Variants in PCDH15 observed in about 807,000 individuals in gnomAD.
The protein encoded by PCDH15 is protocadherin-15.
In PCDH15, 129 loss-of-function variants were observed where a neutral mutation model predicts 178.5. That is an observed-to-expected ratio of 0.72 (90% confidence interval 0.63 to 0.84). The LOEUF is 0.84. PCDH15 is among the 40% of genes least tolerant of loss of function. The pLI is 0.00. For missense variants in PCDH15, 2,230 were observed against 2,099.9 expected (o/e 1.06, Z -1.21); for synonymous variants, 800 against 732.0 (o/e 1.09, Z -1.50).
At chr10:54,370,784 C>T (rs2066348) in intron 4 of PCDH15, among the ~76,000 whole-genome samples, 144,837 of 151,878 alleles carry the variant, frequency 0.95, 69,442 homozygotes, top group East Asian at 1. Context: ...CTATAATGCA[C>T]GACACATTTG....
chr10:55,603,178 A>C (rs1843127306), intron 2 of PCDH15, among the ~76,000 whole-genome samples: 1 of 152,116 alleles, frequency 6.6e-6, no homozygotes, highest in African/African-American at 2.4e-5. Flanking sequence ...CGAGAAGGGA[A>C]GTTTAGAGAA....
At chr10:54,910,534 C>T (rs1459147700) in intron 2 of PCDH15, among the ~76,000 whole-genome samples, 2 of 152,106 alleles carry the variant, frequency 1.3e-5, no homozygotes, top group Non-Finnish European at 2.9e-5. Context: ...CTAGGCCTAA[C>T]CCTGAGGATT....
At chr10:54,768,559 T>C (rs973923084) in intron 1 of PCDH15, among the ~76,000 whole-genome samples, 13 of 152,104 alleles carry the variant, frequency 8.5e-5, no homozygotes, top group African/African-American at 3.1e-4. Flanking sequence ...ACTTAAGAAG[T>C]AAGCGAGACT....
chr10:54,354,865 T>C (rs1944720255), intron 5 of PCDH15, among the ~76,000 whole-genome samples: 2 of 151,918 alleles, frequency 1.3e-5, no homozygotes, highest in African/African-American at 4.8e-5. Flanking sequence ...ATGTATTAAA[T>C]GGAAGGAGAT....
At chr10:54,033,184 A>G (rs1375077035) in intron 18 of PCDH15, among the ~76,000 whole-genome samples, 2 of 151,890 alleles carry the variant, frequency 1.3e-5, no homozygotes, top group Admixed American at 1.3e-4. Flanking sequence ...ATATATACCT[A>G]TTTTTGTATA....
chr10:54,989,782 C>T (rs930984530), intron 2 of PCDH15, among the ~76,000 whole-genome samples: 2 of 152,020 alleles, frequency 1.3e-5, no homozygotes, highest in African/African-American at 4.8e-5. Context: ...TGAGGAAATG[C>T]CATTTGGGAG....
chr10:53,803,821 C>T lies in PCDH15; in HGVS notation c.*2758G>A, dbSNP rs1319866150. On this transcript the variant is annotated 3_prime_UTR_variant, in exon 38 of 38. Coordinates refer to ENST00000644397, the MANE Select transcript of PCDH15 (RefSeq NM_001384140.1). ...TCATTCTGTTCTCACCTCGATTAGC[C>T]AAGACCTGCTGTTTCTTCTGCCTGA... 1 of 151,938 alleles carries T rather than the reference C, an allele frequency of 6.6e-6. No homozygotes were observed. Among genetic ancestry groups the T allele is most frequent in the African/African-American group, 2.4e-5 (1 of 41,404 alleles). 9.4% of individuals were successfully genotyped at this position (151,938 alleles called of 1,614,324 possible).
chr10:55,228,114 A>G (rs953922234), intron 1 of PCDH15, among the ~76,000 whole-genome samples: 12 of 152,092 alleles, frequency 7.9e-5, no homozygotes, highest in Non-Finnish European at 1.8e-4. Context: ...AATCTGTTGA[A>G]ATATAGCTTG....
chr10:54,065,894 C>T (rs2094127992), intron 18 of PCDH15, among the ~76,000 whole-genome samples: 1 of 152,136 alleles, frequency 6.6e-6, no homozygotes, highest in Non-Finnish European at 1.5e-5. Context: ...AGATCTTGTG[C>T]CTGGTTATAA....
intron 2 of PCDH15, among the ~76,000 whole-genome samples, chr10:55,123,186 CTG>C (rs10539949): frequency 0.24 from 36,722 of 151,566 alleles, 5,160 homozygotes; most frequent in African/African-American, 0.38. Context: ...GTCTTATATT[CTG>C]TGTTATCTAA....
At chr10:54,691,427 C>G (rs2095118551) in intron 1 of PCDH15, among the ~76,000 whole-genome samples, 1 of 152,002 alleles carries the variant, frequency 6.6e-6, no homozygotes, top group Non-Finnish European at 1.5e-5. Context: ...CTATAAATTT[C>G]CTTCAGTATT....
intron 25 of PCDH15, among the ~76,000 whole-genome samples, chr10:53,921,116 C>T (rs1312678120): frequency 6.6e-6 from 1 of 152,126 alleles, no homozygotes; most frequent in African/African-American, 2.4e-5. Flanking sequence ...ACAGTTCTTG[C>T]AATATGTCAT....
intron 2 of PCDH15, among the ~76,000 whole-genome samples, chr10:55,471,278 T>C (rs1016499168): frequency 6.6e-6 from 1 of 152,236 alleles, no homozygotes; most frequent in African/African-American, 2.4e-5. Context: ...AAAGTTGTGC[T>C]CTTTTAGTTT....
intron 2 of PCDH15, among the ~76,000 whole-genome samples, chr10:55,380,361 A>C (rs564870201): frequency 6.6e-6 from 1 of 152,308 alleles, no homozygotes; most frequent in East Asian, 1.9e-4. Flanking sequence ...TTAATGATAC[A>C]GGGTGTACTT....
At chr10:54,147,170 T>C (rs1163063607) in intron 14 of PCDH15, among the ~76,000 whole-genome samples, 1 of 151,352 alleles carries the variant, frequency 6.6e-6, no homozygotes, top group Non-Finnish European at 1.5e-5. Context: ...AAATAGCAAA[T>C]ATGATTATCC....
chr10:54,527,907 A>G (rs778977473), intron 2 of PCDH15, 30 bp from the exon 3 acceptor site: 1 of 1,563,880 alleles, frequency 6.4e-7, no homozygotes, highest in Non-Finnish European at 8.8e-7. Context: ...AAAAGTAATA[A>G]TTGACTGCAG....
chr10:54,116,564 A>T (rs2095116789), intron 15 of PCDH15, among the ~76,000 whole-genome samples: 1 of 152,218 alleles, frequency 6.6e-6, no homozygotes, highest in African/African-American at 2.4e-5. Flanking sequence ...ATGAAGCAAC[A>T]TCCTTCAGAG....
chr10:54,099,477 C>T (rs1194972190), intron 15 of PCDH15, among the ~76,000 whole-genome samples: 6 of 111,346 alleles, frequency 5.4e-5, no homozygotes, highest in East Asian at 2.4e-4. Flanking sequence ...CCAACCTCAG[C>T]GACAGAGCGA....
intron 2 of PCDH15, among the ~76,000 whole-genome samples, chr10:55,390,233 A>T (rs991626258): frequency 2.0e-5 from 3 of 152,184 alleles, no homozygotes; most frequent in African/African-American, 7.2e-5. Flanking sequence ...CACCTTAATT[A>T]AAAAATACAT....
Sources: gnomAD v4.1 joint callset for allele counts (sites outside exome capture counted in the v4.1 genomes callset) on GRCh38, gnomAD v4.1.1 for gene constraint, MANE v1.5 for transcripts, NCBI Gene and HGNC (gene_info 2026-07-23, HGNC 2026-07-21) for gene names.